The following GGA3 variants were observed in gnomAD, a reference collection of about 807,000 sequenced individuals.
GGA3 encodes ADP-ribosylation factor-binding protein GGA3.
A neutral mutation model predicts 77.5 loss-of-function variants in GGA3; 57 were observed. The observed-to-expected ratio is 0.74, with a 90% CI of 0.59 to 0.92. The LOEUF (loss-of-function observed/expected upper bound fraction) is 0.92, where lower values mean the gene tolerates loss of function less well. GGA3 is among the 40% of genes least tolerant of loss of function. GGA3 has a pLI of 0.00. For synonymous variants in GGA3, 416 were observed against 383.7 expected (o/e 1.08, Z -0.98); for missense variants, 970 against 914.9 (o/e 1.06, Z -0.78).
At chr17:75,242,554 C>T (rs1371803697) in intron 7 of GGA3, 81 bp from the exon 8 acceptor site, 2 of 1,537,356 alleles carry the variant, frequency 1.3e-6, no homozygotes, top group African/African-American at 2.7e-5. Flanking sequence ...CCTTACCCCA[C>T]AACACAAGTA....
Position 75,252,274 on chromosome 17 carries a change from G to A in GGA3, c.41-5478C>T, listed in dbSNP as rs1033232331. 4.0e-5 allele frequency among the ~76,000 whole-genome samples: 6 copies of A among 151,284 alleles called. No homozygotes were observed. The South Asian group carries it at 8.4e-4, about 21-fold the overall frequency. On this transcript the variant is annotated intron_variant, in intron 1 of 16. Coordinates refer to ENST00000537686, the MANE Select transcript of GGA3 (RefSeq NM_138619.4). ...GATGGGGGTCTCACTCTATTGCCCC[G>A]GGCTGCAGTAGGCGATCATGGCTCA...
rs762899841 is a variant in GGA3, at chr17:75,239,433, C to CG, written c.1721dup (p.Lys575GlufsTer4). 6 of 1,577,988 alleles carry CG rather than the reference C, an allele frequency of 3.8e-6. No individual in the cohort carries two copies. Among genetic ancestry groups the CG allele is most frequent in the African/African-American group, 1.4e-5 (1 of 72,358 alleles). ...TGGCCAGGGAGAGCTCAGGCCCCTT[C>CG]GGGGGGCTGCCCTGGGACTGGAAAC... On this transcript the variant is annotated frameshift_variant, in exon 14 of 17. Transcript: ENST00000537686. LOFTEE classifies it high-confidence loss of function.
At position 75,239,525 on chromosome 17, in the gene GGA3, T is replaced by G; in HGVS notation, c.1630A>C (p.Thr544Pro). The G allele has an allele frequency of 6.4e-7, 1 of 1,565,044 alleles. No individual in the cohort carries two copies. Among genetic ancestry groups the G allele is most frequent in the Non-Finnish European group, 8.6e-7 (1 of 1,158,026 alleles). Residue 544 changes from threonine (T) to proline (P), a missense_variant, in exon 14 of 17, where the codon ACC becomes CCC. Thr to Pro is a conservative substitution (Grantham distance 38, BLOSUM62 -1). Coordinates refer to ENST00000537686, the MANE Select transcript of GGA3 (RefSeq NM_138619.4). ...GGCAGGAGGGGCCTGGCTGGGGTGGTGGTGGGGATGAGAGGGGAGGTAGTG... is the reference window on the plus strand; with the variant it reads ...GGCAGGAGGGGCCTGGCTGGGGTGGGGGTGGGGATGAGAGGGGAGGTAGTG... ...KPTTSPLIPT[T>P]TPARPLLPFS...
In GGA3 at chr17:75,253,699, C is replaced by A. The variant is rs561047587; in HGVS notation, c.41-6903G>T. Among the ~76,000 whole-genome samples the A allele has an allele frequency of 3.9e-5, 6 of 152,368 alleles. No homozygotes were observed. In the East Asian group the frequency reaches 9.6e-4, roughly 24 times the overall value. On this transcript the variant is annotated intron_variant, in intron 1 of 16. Transcript: ENST00000537686. ...CGACCTCTTATCTGTGTGCCCCAAT[C>A]CCTTATTTCCACACCCTGACCCCTT... is the stretch of plus-strand genomic sequence containing the variant.
At chr17:75,242,504 G>C (rs201754807) in intron 7 of GGA3, 31 bp from the exon 8 acceptor site, 3 of 1,613,348 alleles carry the variant, frequency 1.9e-6, no homozygotes, top group East Asian at 2.2e-5. Context: ...AAGAGAAAGA[G>C]AGCGTCACTT....
chr17:75,242,336 C>T lies in GGA3; in HGVS notation c.747G>A (p.Lys249=). The change falls in exon 8 of 17, where the codon AAG becomes AAA. Residue 249 remains lysine, a splice_region_variant and synonymous_variant. Transcript: ENST00000537686. ...CAGCCTTTGCCGTCGGCGGTCCCACCTTCATCAGCTCTCTGTCCCCGTCCG... is the reference window on the plus strand; with the variant it reads ...CAGCCTTTGCCGTCGGCGGTCCCACTTTCATCAGCTCTCTGTCCCCGTCCG... ...DSSDGDRELM[K]ELFDQCENKR... 6.2e-7 allele frequency: 1 copy of T among 1,614,216 alleles called. No individual in the cohort carries two copies.
Position 75,237,923 on chromosome 17 carries a change from C to CCCCCA in GGA3, c.*351_*355dup. The CCCCCA allele has an allele frequency of 2.0e-6, 1 of 496,588 alleles. No homozygotes were observed. Among genetic ancestry groups the CCCCCA allele is most frequent in the Non-Finnish European group, 2.8e-6 (1 of 360,762 alleles). The allele number at this position is 496,588 out of a possible 1,614,324, so 30.8% of individuals were successfully genotyped here. A position where few individuals can be genotyped will look rare whatever the true frequency, so the allele number is the denominator to read the frequency against. ...ACAGTCTCTCTTTAGAGACTCCCAC[C>CCCCCA]CCCCACCCCCCACCCCAGTGGCTTC... On this transcript the variant is annotated 3_prime_UTR_variant, in exon 17 of 17. Coordinates refer to ENST00000537686, the MANE Select transcript of GGA3 (RefSeq NM_138619.4).
intron 14 of GGA3, 89 bp downstream of exon 14, chr17:75,239,286 G>C: frequency 1.7e-6 from 2 of 1,196,392 alleles, no homozygotes; most frequent in Non-Finnish European, 2.4e-6. Flanking sequence ...CCCCTGCAAA[G>C]AGTGCCTGGA....
At chr17:75,251,000 G>T (rs2076946686) in intron 1 of GGA3, among the ~76,000 whole-genome samples, 1 of 151,588 alleles carries the variant, frequency 6.6e-6, no homozygotes, top group African/African-American at 2.4e-5. Context: ...AGAACCACTT[G>T]AACCCAGGAG....
chr17:75,258,879 C>T (rs974776364), intron 1 of GGA3, among the ~76,000 whole-genome samples: 2 of 150,910 alleles, frequency 1.3e-5, no homozygotes, highest in Non-Finnish European at 2.9e-5. Context: ...AATGGAGTAT[C>T]CTCAATGAAT....
chr17:75,240,165 G>T (rs1424945095), intron 12 of GGA3, 57 bp from the exon 13 acceptor site: 3 of 1,332,556 alleles, frequency 2.3e-6, no homozygotes, highest in East Asian at 2.5e-5. Context: ...CCTGCCGCTG[G>T]AACGGGGCGC....
chr17:75,240,974 G>A lies in GGA3; in HGVS notation c.1030C>T (p.Pro344Ser), dbSNP rs748982644. 1 of 1,614,022 alleles carries A rather than the reference G, an allele frequency of 6.2e-7. No homozygotes were observed. The highest frequency in any genetic ancestry group is 8.5e-7 in the Non-Finnish European group (1 of 1,180,012). Residue 344 changes from proline (P) to serine (S), a missense_variant, in exon 11 of 17, where the codon CCA (proline) becomes TCA (serine). Coordinates refer to ENST00000537686, the MANE Select transcript of GGA3 (RefSeq NM_138619.4). ...TTNSLSSVLA[P>S]APTPPSSGIP... ...CCTGAGGAGGGTGGAGTAGGTGCTG[G>A]GGCCAACACGGAGGACAAACTGTTG...
chr17:75,254,505 G>C (rs954231727), intron 1 of GGA3, among the ~76,000 whole-genome samples: 1 of 151,990 alleles, frequency 6.6e-6, no homozygotes, highest in Non-Finnish European at 1.5e-5. Flanking sequence ...TGGCTCGTTC[G>C]GCAGCAACCC....
chr17:75,239,272 G>A (rs1400270257), intron 14 of GGA3, 103 bp downstream of exon 14: 28 of 1,112,722 alleles, frequency 2.5e-5, no homozygotes, highest in Non-Finnish European at 1.3e-5. Context: ...TGGCTTTAAG[G>A]GACCCCCTGC....
chr17:75,254,674 A>T (rs2077081913), intron 1 of GGA3, among the ~76,000 whole-genome samples: 1 of 152,200 alleles, frequency 6.6e-6, no homozygotes, highest in African/African-American at 2.4e-5. Flanking sequence ...CTCGCCTTCA[A>T]GGTGTACAAT....
intron 5 of GGA3, 36 bp from the exon 6 acceptor site, chr17:75,243,202 G>T: frequency 6.8e-7 from 1 of 1,479,090 alleles, no homozygotes. Flanking sequence ...CACTCAGGCT[G>T]TGGTTGCCTT....
At chr17:75,238,834 AC>A in intron 15 of GGA3, 72 bp from the exon 16 acceptor site, 1 of 1,573,738 alleles carries the variant, frequency 6.4e-7, no homozygotes, top group Non-Finnish European at 8.7e-7. Flanking sequence ...GCACACACAC[AC>A]TGCCACCTGC....
Position 75,241,709 on chromosome 17 carries a change from C to T in GGA3, c.748-13G>A, listed in dbSNP as rs370098030. 69 of 1,611,716 alleles carry T rather than the reference C, an allele frequency of 4.3e-5. No individual in the cohort carries two copies. The African/African-American group carries it at 4.4e-4, about 10-fold the overall frequency. On this transcript the variant is annotated splice_polypyrimidine_tract_variant and intron_variant, in intron 8 of 16. Transcript: ENST00000537686. ...GATCAAACAGCTCCTGAAAGAGACT[C>T]GGACATAAAAATCAAACCACAAAGG...
rs1567783647 is a variant in GGA3, at chr17:75,241,530, GA to G, written c.830-15del. On this transcript the variant is annotated splice_polypyrimidine_tract_variant and intron_variant, in intron 9 of 16. Coordinates refer to ENST00000537686, the MANE Select transcript of GGA3 (RefSeq NM_138619.4). ...GCAGGATGTCCCCTGGAGCAGGAAA[GA>G]GAGACTTCTCACTCCTGTTGTGACA... is the stretch of plus-strand genomic sequence containing the variant. 6.2e-7 allele frequency: 1 copy of G among 1,606,308 alleles called. No individual in the cohort carries two copies. Among genetic ancestry groups the G allele is most frequent in the Non-Finnish European group, 8.5e-7 (1 of 1,172,902 alleles).
Sources: gnomAD v4.1 joint callset for allele counts (sites outside exome capture counted in the v4.1 genomes callset) on GRCh38, gnomAD v4.1.1 for gene constraint, MANE v1.5 for transcripts, NCBI Gene and HGNC (gene_info 2026-07-23, HGNC 2026-07-21) for gene names.